The following JAZF1 variants were observed in gnomAD, a reference collection of about 807,000 sequenced individuals.
The protein encoded by JAZF1 is JAZF zinc finger 1.
Under a neutral mutation model 26.4 loss-of-function variants are expected in JAZF1, and 8 were observed. The observed-to-expected ratio is 0.30, with a 90% CI of 0.18 to 0.55. The LOEUF (loss-of-function observed/expected upper bound fraction) is 0.55, where lower values mean the gene tolerates loss of function less well. Ranked by LOEUF, JAZF1 falls within the 20% of genes least tolerant of loss-of-function variation. JAZF1 has a pLI of 0.94. For missense variants in JAZF1, 199 were observed against 322.0 expected, an observed-to-expected ratio of 0.62 and a Z score of 2.92; for synonymous variants, 126 against 122.3, an observed-to-expected ratio of 1.03 and a Z score of -0.20.
chr7:28,179,939 G>A (rs1324163907), intron 1 of JAZF1, among the ~76,000 whole-genome samples: 2 of 126,816 alleles, frequency 1.6e-5, no homozygotes, highest in Non-Finnish European at 1.7e-5. Context: ...CCTCCCCGCG[G>A]CTGCAGCCGC....
chr7:27,981,867 C>T (rs1344534353), intron 2 of JAZF1, among the ~76,000 whole-genome samples: 7 of 152,216 alleles, frequency 4.6e-5, no homozygotes, highest in Non-Finnish European at 1.0e-4. Context: ...CAAACCACTG[C>T]ACTTGATTCA....
At position 27,969,948 on chromosome 7, in the gene JAZF1, C is replaced by T. The variant is rs184491589; in HGVS notation, c.188+21961G>A. 4.1e-3 allele frequency among the ~76,000 whole-genome samples: 618 copies of T among 152,280 alleles called. 2 individuals carry two copies. Among genetic ancestry groups the T allele is most frequent in the African/African-American group, 0.014 (586 of 41,558 alleles). On this transcript the variant is annotated intron_variant, in intron 2 of 4. Transcript: ENST00000283928. ...ACAGGGATGTACAATAGAAAGATCTCGTAGTTCAAACCTTGTCTGCCATTT... is the reference window on the plus strand; with the variant it reads ...ACAGGGATGTACAATAGAAAGATCTTGTAGTTCAAACCTTGTCTGCCATTT...
intron 1 of JAZF1, among the ~76,000 whole-genome samples, chr7:28,159,839 T>C (rs1490953828): frequency 6.6e-6 from 1 of 152,190 alleles, no homozygotes; most frequent in African/African-American, 2.4e-5. Flanking sequence ...ATTCTCATAC[T>C]TCACTCCTGG....
intron 1 of JAZF1, among the ~76,000 whole-genome samples, chr7:28,064,191 G>A (rs2158625): frequency 0.055 from 8,388 of 151,912 alleles, 405 homozygotes; most frequent in African/African-American, 0.13. Flanking sequence ...CTCAATGACC[G>A]GAACATCTGG....
At chr7:27,920,851 G>A (rs1052833084) in intron 2 of JAZF1, among the ~76,000 whole-genome samples, 1 of 152,108 alleles carries the variant, frequency 6.6e-6, no homozygotes, top group Non-Finnish European at 1.5e-5. Context: ...AAGCATAAAC[G>A]ACCATTTTAA....
chr7:28,155,480 T>A (rs1344882854), intron 1 of JAZF1, among the ~76,000 whole-genome samples: 1 of 152,240 alleles, frequency 6.6e-6, no homozygotes, highest in Admixed American at 6.5e-5. Context: ...ACGGTCTTCA[T>A]TCTTCCCCTA....
chr7:27,857,039 C>A (rs367807776), intron 3 of JAZF1, among the ~76,000 whole-genome samples: 2 of 152,264 alleles, frequency 1.3e-5, no homozygotes, highest in African/African-American at 4.8e-5. Context: ...CCTGCCAGTC[C>A]CGCGCCGTGT....
chr7:28,102,598 G>GAA (rs60642981), intron 1 of JAZF1, among the ~76,000 whole-genome samples: 13 of 151,828 alleles, frequency 8.6e-5, no homozygotes, highest in South Asian at 6.2e-4. Context: ...TTCATTTTTT[G>GAA]AAAAAAAATG....
chr7:27,992,168 A>AATAT, intron 1 of JAZF1, 187 bp from the exon 2 acceptor site: 2 of 660,894 alleles, frequency 3.0e-6, no homozygotes, highest in South Asian at 3.0e-5. Flanking sequence ...ATATTGCATT[A>AATAT]CTTTTCAAGG....
At chr7:27,849,210 C>T (rs560406985) in intron 3 of JAZF1, among the ~76,000 whole-genome samples, 11 of 152,276 alleles carry the variant, frequency 7.2e-5, no homozygotes, top group African/African-American at 9.6e-5. Context: ...ACGAACACAA[C>T]GCATGGAGTC....
At chr7:28,116,002 C>A (rs984580454) in intron 1 of JAZF1, among the ~76,000 whole-genome samples, 1 of 152,106 alleles carries the variant, frequency 6.6e-6, no homozygotes, top group Non-Finnish European at 1.5e-5. Context: ...AAATGCTGCA[C>A]AATATTCCAT....
chr7:27,867,188 AG>A (rs1269850890), intron 3 of JAZF1, among the ~76,000 whole-genome samples: 1 of 152,194 alleles, frequency 6.6e-6, no homozygotes, highest in African/African-American at 2.4e-5. Flanking sequence ...GCTCAAAAGG[AG>A]GGCTGGGAAA....
chr7:28,151,337 A>G (rs545480067), intron 1 of JAZF1, among the ~76,000 whole-genome samples: 231 of 151,858 alleles, frequency 1.5e-3, no homozygotes, highest in Non-Finnish European at 2.9e-3. Context: ...ACTCCTGACC[A>G]CAAGTGATCT....
chr7:28,017,764 TTTG>T (rs966931204), intron 1 of JAZF1, among the ~76,000 whole-genome samples: 3 of 150,642 alleles, frequency 2.0e-5, no homozygotes, highest in Admixed American at 6.6e-5. Context: ...CTTCTTTGTT[TTTG>T]TTGTTGTTGT....
intron 1 of JAZF1, among the ~76,000 whole-genome samples, chr7:28,007,225 C>T (rs13240607): frequency 0.22 from 33,993 of 152,008 alleles, 3,925 homozygotes; most frequent in South Asian, 0.33. Context: ...CCCAGTACTT[C>T]GGGAGGCCGA....
chr7:27,957,767 G>A (rs932643516), intron 2 of JAZF1, among the ~76,000 whole-genome samples: 1 of 152,148 alleles, frequency 6.6e-6, no homozygotes, highest in African/African-American at 2.4e-5. Flanking sequence ...TGCACACATA[G>A]CTAGACTATG....
chr7:27,849,815 C>T (rs1424290980), intron 3 of JAZF1, among the ~76,000 whole-genome samples: 3 of 141,156 alleles, frequency 2.1e-5, no homozygotes, highest in African/African-American at 8.2e-5. Flanking sequence ...ACGGAGCCCA[C>T]ATCGCCATCC....
At chr7:28,063,919 C>G (rs1383578083) in intron 1 of JAZF1, among the ~76,000 whole-genome samples, 1 of 152,022 alleles carries the variant, frequency 6.6e-6, no homozygotes, top group African/African-American at 2.4e-5. Flanking sequence ...CAAGAAATGC[C>G]ACAGTGTGAA....
chr7:27,980,774 C>T (rs1480220620), intron 2 of JAZF1, among the ~76,000 whole-genome samples: 2 of 148,544 alleles, frequency 1.3e-5, no homozygotes, highest in East Asian at 1.9e-4. Flanking sequence ...ATTTAGCCTA[C>T]TGTTGTCAAG....
Sources: gnomAD v4.1 joint callset for allele counts (sites outside exome capture counted in the v4.1 genomes callset) on GRCh38, gnomAD v4.1.1 for gene constraint, MANE v1.5 for transcripts, NCBI Gene and HGNC (gene_info 2026-07-23, HGNC 2026-07-21) for gene names.